Variants in MYO5A observed in about 807,000 individuals in gnomAD.
MYO5A encodes unconventional myosin-Va.
In MYO5A, 98 loss-of-function variants were observed where a neutral mutation model predicts 249.7. The ratio of observed to expected loss-of-function variants is 0.39; its 90% CI spans 0.33 to 0.46. The LOEUF (loss-of-function observed/expected upper bound fraction) is 0.46, where lower values mean the gene tolerates loss of function less well. Among genes scored for constraint, MYO5A ranks in the 20% least tolerant of loss-of-function variants. The probability of loss-of-function intolerance (pLI) is 0.98; values close to 1 mark genes in which losing one functional copy is unlikely to be tolerated. For missense variants in MYO5A, 1,696 were observed against 2,308.8 expected (o/e 0.73, Z 5.44); for synonymous variants, 778 against 810.6 (o/e 0.96, Z 0.68).
At chr15:52,430,264 G>A (rs994787520) in intron 2 of MYO5A, among the ~76,000 whole-genome samples, 7 of 152,180 alleles carry the variant, frequency 4.6e-5, no homozygotes, top group Admixed American at 1.3e-4. Flanking sequence ...GTATTAGCCA[G>A]GAGACTCCAG....
intron 29 of MYO5A, among the ~76,000 whole-genome samples, chr15:52,347,358 G>A (rs1273577915): frequency 6.6e-6 from 1 of 152,118 alleles, no homozygotes; most frequent in African/African-American, 2.4e-5. Flanking sequence ...AAACCCTGCT[G>A]TGTAGCCTCT....
intron 34 of MYO5A, 122 bp from the exon 35 acceptor site, chr15:52,330,621 A>G: frequency 8.8e-7 from 1 of 1,138,358 alleles, no homozygotes; most frequent in Middle Eastern, 2.9e-4. Context: ...TTTGCCACTT[A>G]ATTGCCTTCT....
intron 1 of MYO5A, among the ~76,000 whole-genome samples, chr15:52,466,527 C>T (rs1595735729): frequency 6.6e-6 from 1 of 152,206 alleles, no homozygotes; most frequent in Non-Finnish European, 1.5e-5. Flanking sequence ...GGGCATGAAC[C>T]TTGCCAAGAC....
At chr15:52,522,318 T>C (rs541829440) in intron 1 of MYO5A, among the ~76,000 whole-genome samples, 1 of 152,260 alleles carries the variant, frequency 6.6e-6, no homozygotes, top group South Asian at 2.1e-4. Flanking sequence ...ACACTTAAAA[T>C]GAGGGACTTT....
intron 25 of MYO5A, among the ~76,000 whole-genome samples, chr15:52,355,982 A>G (rs2040200088): frequency 6.6e-6 from 1 of 152,220 alleles, no homozygotes; most frequent in Non-Finnish European, 1.5e-5. Context: ...TACACTAATT[A>G]AAGCTAAAAA....
rs1413063816 is a variant in MYO5A, at chr15:52,380,543, C to T, written c.2013-635G>A. 2.6e-5 allele frequency among the ~76,000 whole-genome samples: 4 copies of T among 151,600 alleles called. No homozygotes were observed. In the South Asian group the frequency reaches 6.3e-4, roughly 24 times the overall value. On this transcript the variant is annotated intron_variant, in intron 16 of 41. Transcript: ENST00000399233. ...AGCACTTTAGGAGGCCAAGGGCAGG[C>T]GGATCACGAGGTCAGCAGTTTGAGA...
At chr15:52,407,581 T>A (rs1343276379) in intron 7 of MYO5A, among the ~76,000 whole-genome samples, 182 bp from the exon 8 acceptor site, 1 of 151,944 alleles carries the variant, frequency 6.6e-6, no homozygotes. Context: ...TTTAATTAAA[T>A]AAATGGGGTA....
chr15:52,486,406 A>C (rs2076821785), intron 1 of MYO5A, among the ~76,000 whole-genome samples: 1 of 152,234 alleles, frequency 6.6e-6, no homozygotes, highest in Non-Finnish European at 1.5e-5. Context: ...TGACCAAAGA[A>C]TGTCTGGCCC....
chr15:52,460,694 T>C (rs1384316473), intron 1 of MYO5A, among the ~76,000 whole-genome samples: 6 of 152,048 alleles, frequency 3.9e-5, no homozygotes, highest in Admixed American at 3.9e-4. Flanking sequence ...CAGAAATTTT[T>C]TGTAGCGTTA....
chr15:52,332,742 T>C (rs1172635852), intron 34 of MYO5A, among the ~76,000 whole-genome samples: 1 of 152,164 alleles, frequency 6.6e-6, no homozygotes, highest in Non-Finnish European at 1.5e-5. Flanking sequence ...GGCAGGCAGA[T>C]CACCTGAGTT....
chr15:52,319,000 A>C (rs1372958039), intron 39 of MYO5A, 60 bp downstream of exon 39: 35 of 1,593,820 alleles, frequency 2.2e-5, no homozygotes, highest in Middle Eastern at 4.1e-4. Flanking sequence ...GCTCTCCACA[A>C]CCCTGGCAGG....
At chr15:52,502,909 T>C (rs543143183) in intron 1 of MYO5A, among the ~76,000 whole-genome samples, 1 of 152,232 alleles carries the variant, frequency 6.6e-6, no homozygotes, top group African/African-American at 2.4e-5. Flanking sequence ...TTATGTTAAG[T>C]GAAATAAGCC....
intron 40 of MYO5A, among the ~76,000 whole-genome samples, chr15:52,316,504 C>T (rs750235348): frequency 1.7e-4 from 26 of 152,132 alleles, no homozygotes; most frequent in Non-Finnish European, 2.2e-4. Flanking sequence ...CAGTTGGATA[C>T]GACTCTGTCT....
chr15:52,391,897 G>C (rs186442428), intron 12 of MYO5A, 33 bp downstream of exon 12: 1 of 1,604,130 alleles, frequency 6.2e-7, no homozygotes, highest in Admixed American at 1.7e-5. Context: ...CATCTATTTT[G>C]ATAAACCAAG....
At chr15:52,438,994 C>T (rs542793330) in intron 1 of MYO5A, among the ~76,000 whole-genome samples, 10 of 152,244 alleles carry the variant, frequency 6.6e-5, no homozygotes, top group African/African-American at 2.4e-4. Context: ...GGCTTGCCAT[C>T]GTTCCTGCAT....
intron 21 of MYO5A, among the ~76,000 whole-genome samples, chr15:52,371,130 A>AC (rs538162407): frequency 1.6e-3 from 244 of 151,722 alleles, no homozygotes; most frequent in African/African-American, 5.7e-3. Flanking sequence ...AAAACAAAAA[A>AC]AAAAAACCCT....
chr15:52,354,985 A>C (rs1022781668), intron 25 of MYO5A, among the ~76,000 whole-genome samples: 2 of 152,270 alleles, frequency 1.3e-5, no homozygotes, highest in Non-Finnish European at 2.9e-5. Flanking sequence ...AACATATGTG[A>C]CTTTTAAATG....
intron 1 of MYO5A, among the ~76,000 whole-genome samples, chr15:52,470,673 T>C (rs1318175058): frequency 2.0e-5 from 3 of 151,192 alleles, no homozygotes; most frequent in Non-Finnish European, 4.4e-5. Context: ...GGCCATTCCT[T>C]ACTGACAAGG....
At chr15:52,435,760 T>C (rs1348015118) in intron 1 of MYO5A, 1 of 417,158 alleles carries the variant, frequency 2.4e-6, no homozygotes, top group Non-Finnish European at 4.7e-6. Flanking sequence ...ATAAAACCAT[T>C]AATTATTGGC....
Sources: gnomAD v4.1 joint callset for allele counts (sites outside exome capture counted in the v4.1 genomes callset) on GRCh38, gnomAD v4.1.1 for gene constraint, MANE v1.5 for transcripts, NCBI Gene and HGNC (gene_info 2026-07-23, HGNC 2026-07-21) for gene names.